ARID3B: variants seen among roughly 807,000 people sequenced by gnomAD.
ARID3B encodes the protein AT-rich interactive domain-containing protein 3B.
ARID3B carries 10 observed loss-of-function variants against 51.9 expected under a neutral mutation model. The ratio of observed to expected loss-of-function variants is 0.19; its 90% CI spans 0.12 to 0.33. ARID3B has a LOEUF of 0.33. Ranked by LOEUF, ARID3B falls within the 10% of genes least tolerant of loss-of-function variation. ARID3B has a pLI of 1.00. For missense variants in ARID3B, 483 were observed against 716.3 expected (o/e 0.67, Z 3.72); for synonymous variants, 205 against 279.5 (o/e 0.73, Z 2.66).
intron 4 of ARID3B, among the ~76,000 whole-genome samples, chr15:74,587,334 C>T (rs1013845630): frequency 2.0e-5 from 3 of 152,084 alleles, no homozygotes; most frequent in Admixed American, 6.5e-5. Context: ...CCTCCAAGGA[C>T]GAATCATGAA....
intron 2 of ARID3B, among the ~76,000 whole-genome samples, chr15:74,544,966 AG>A (rs2061610051): frequency 6.6e-6 from 1 of 152,210 alleles, no homozygotes. Context: ...TTGGGATTAC[AG>A]GCATGAGCCA....
intron 2 of ARID3B, among the ~76,000 whole-genome samples, chr15:74,549,276 C>T (rs902629994): frequency 6.6e-6 from 1 of 151,954 alleles, no homozygotes; most frequent in East Asian, 1.9e-4. Flanking sequence ...GGGGTTTCAC[C>T]GTGTTAGCCA....
Position 74,543,854 on chromosome 15 carries a change from A to T in ARID3B, c.-77-6A>T. ...TCCTTCTTTGTGGTTTCTGTTAATC[A>T]CTAAGGTTTAGACCCAGTGTGCCTG... On this transcript the variant is annotated splice_polypyrimidine_tract_variant and splice_region_variant and intron_variant, in intron 1 of 8. Transcript: ENST00000346246. 3 of 1,507,000 alleles carry T rather than the reference A, an allele frequency of 2.0e-6. No individual in the cohort carries two copies. The highest frequency in any genetic ancestry group is 2.7e-6 in the Non-Finnish European group (3 of 1,121,264). 93.4% of individuals were successfully genotyped at this position (1,507,000 alleles called of 1,614,324 possible).
At chr15:74,573,081 G>A (rs2061724881) in intron 3 of ARID3B, 51 bp from the exon 4 acceptor site, 3 of 1,606,722 alleles carry the variant, frequency 1.9e-6, no homozygotes, top group Admixed American at 3.3e-5. Context: ...TAAGACTTCA[G>A]CAAGATGGAA....
At chr15:74,562,508 G>A (rs1359766388) in intron 2 of ARID3B, among the ~76,000 whole-genome samples, 1 of 152,074 alleles carries the variant, frequency 6.6e-6, no homozygotes, top group Non-Finnish European at 1.5e-5. Flanking sequence ...TCTGTTTTCT[G>A]AGACAGGGTC....
At chr15:74,589,787 C>A in intron 4 of ARID3B, 33 bp from the exon 5 acceptor site, 1 of 1,576,946 alleles carries the variant, frequency 6.3e-7, no homozygotes, top group South Asian at 1.1e-5. Context: ...GATGATGATC[C>A]CGCTGTCTCT....
At position 74,591,125 on chromosome 15, in the gene ARID3B, C is replaced by G. The variant is rs370677559; in HGVS notation, c.882-26C>G. On this transcript the variant is annotated intron_variant, in intron 5 of 8. Transcript: ENST00000346246. The surrounding 1 kb of genome is among the most constrained non-coding windows in gnomAD (Gnocchi z 5.8). ...GTCTCTGGTGCTGTTTTGGATTATT[C>G]TCCCTGCTTGCTTCCTTTCCTCCAG... The G allele has an allele frequency of 1.0e-5, 16 of 1,566,286 alleles. No individual in the cohort carries two copies. The highest frequency in any genetic ancestry group is 1.4e-5 in the African/African-American group (1 of 73,790).
chr15:74,581,569 C>T (rs749230080), intron 4 of ARID3B, among the ~76,000 whole-genome samples: 2 of 152,058 alleles, frequency 1.3e-5, no homozygotes, highest in Non-Finnish European at 2.9e-5. Flanking sequence ...CTGGATTAGC[C>T]CTTTGTCTCA....
rs1377638166 is a variant in ARID3B, at chr15:74,547,184, G to C, written c.552+2696G>C. Among the ~76,000 whole-genome samples the C allele has an allele frequency of 8.5e-5, 11 of 129,128 alleles. No individual in the cohort carries two copies. In the East Asian group the frequency reaches 2.9e-3, roughly 34 times the overall value. The allele number at this position is 129,128 out of a possible 152,430, so 84.7% of individuals were successfully genotyped here. On this transcript the variant is annotated intron_variant, in intron 2 of 8. Transcript: ENST00000346246. Reference sequence around the variant, plus strand: ...GCCTTCCCCCTCCCCCGCCGACACAGAGCGCACTCTGTTGCCCAGGCTGGA... The same window carrying C: ...GCCTTCCCCCTCCCCCGCCGACACACAGCGCACTCTGTTGCCCAGGCTGGA...
At chr15:74,550,835 C>A (rs1245908158) in intron 2 of ARID3B, among the ~76,000 whole-genome samples, 3 of 152,150 alleles carry the variant, frequency 2.0e-5, no homozygotes, top group African/African-American at 7.2e-5. Flanking sequence ...ATAATCCTCT[C>A]CCGCTATCCT....
chr15:74,584,089 A>C (rs1048272330), intron 4 of ARID3B, among the ~76,000 whole-genome samples: 3 of 152,132 alleles, frequency 2.0e-5, no homozygotes, highest in Non-Finnish European at 4.4e-5. Context: ...CAGGTTTTTT[A>C]CATGGATATA....
chr15:74,595,682 G>C lies in ARID3B; in HGVS notation c.1591G>C (p.Ala531Pro), dbSNP rs761378160. The change falls in exon 9 of 9, where the codon GCC becomes CCC. Residue 531 changes from alanine to proline, a missense_variant. Transcript: ENST00000346246. ...GSAPQSLGSS[A>P]SSSSSSHCSP... ...TGCTCCCCAGAGCCTCGGCAGCAGC[G>C]CCAGCAGCAGCAGCAGCTCTCACTG... The C allele has an allele frequency of 4.3e-5, 69 of 1,613,094 alleles. 1 individual carries two copies. Among genetic ancestry groups the C allele is most frequent in the South Asian group, 4.0e-4 (36 of 91,036 alleles).
intron 4 of ARID3B, among the ~76,000 whole-genome samples, chr15:74,581,368 A>G (rs1457278915): frequency 6.6e-6 from 1 of 152,206 alleles, no homozygotes; most frequent in Non-Finnish European, 1.5e-5. Flanking sequence ...TGTTCATGAC[A>G]TATATTGCTT....
chr15:74,554,695 A>G (rs1258102372), intron 2 of ARID3B, among the ~76,000 whole-genome samples: 1 of 152,064 alleles, frequency 6.6e-6, no homozygotes, highest in Non-Finnish European at 1.5e-5. Context: ...TTATTTATTT[A>G]GCCTTTATGT....
chr15:74,590,026 A>G (rs988973330), intron 5 of ARID3B, 23 bp downstream of exon 5: 5 of 1,577,368 alleles, frequency 3.2e-6, no homozygotes, highest in Non-Finnish European at 4.3e-6. Context: ...GGCCTGGGAG[A>G]AGGAAGCTGA....
At chr15:74,587,666 G>A (rs2061786305) in intron 4 of ARID3B, among the ~76,000 whole-genome samples, 1 of 152,142 alleles carries the variant, frequency 6.6e-6, no homozygotes, top group Non-Finnish European at 1.5e-5. Flanking sequence ...AAGGCCATGG[G>A]TGTGTTTGGG....
At chr15:74,555,052 T>TGATCTGA (rs2061652480) in intron 2 of ARID3B, among the ~76,000 whole-genome samples, 1 of 152,196 alleles carries the variant, frequency 6.6e-6, no homozygotes. Flanking sequence ...CTAATTACCC[T>TGATCTGA]GATCTGATCA....
At chr15:74,565,129 C>T (rs2061692942) in intron 2 of ARID3B, among the ~76,000 whole-genome samples, 1 of 152,090 alleles carries the variant, frequency 6.6e-6, no homozygotes, top group Non-Finnish European at 1.5e-5. Context: ...ACTGCAACCT[C>T]AGCCTCCCAG....
chr15:74,588,027 G>C (rs1176644688), intron 4 of ARID3B, among the ~76,000 whole-genome samples: 1 of 152,102 alleles, frequency 6.6e-6, no homozygotes, highest in African/African-American at 2.4e-5. Flanking sequence ...GATTGCTTGA[G>C]CTTAGGAGTT....
Sources: gnomAD v4.1 joint callset for allele counts (sites outside exome capture counted in the v4.1 genomes callset) on GRCh38, gnomAD v4.1.1 for gene constraint, Gnocchi (gnomAD v3.1) non-coding constraint, MANE v1.5 for transcripts, NCBI Gene and HGNC (gene_info 2026-07-23, HGNC 2026-07-21) for gene names.